The following EDRF1 variants were observed in gnomAD, a reference collection of about 807,000 sequenced individuals.
EDRF1 encodes the protein erythroid differentiation-related factor 1.
A neutral mutation model predicts 148.7 loss-of-function variants in EDRF1; 69 were observed. The observed-to-expected ratio is 0.46, with a 90% confidence interval of 0.38 to 0.57. The LOEUF (loss-of-function observed/expected upper bound fraction) is 0.57. Among genes scored for constraint, EDRF1 ranks in the 20% least tolerant of loss-of-function variants. The probability of loss-of-function intolerance (pLI) is 0.00; values close to 1 mark genes in which losing one functional copy is unlikely to be tolerated. For missense variants in EDRF1, 1,118 were observed against 1,478.7 expected (o/e 0.76, Z 4.00); for synonymous variants, 515 against 532.8 (o/e 0.97, Z 0.46).
At chr10:125,730,862 G>T (rs754240205) in intron 9 of EDRF1, among the ~76,000 whole-genome samples, 14 of 152,226 alleles carry the variant, frequency 9.2e-5, no homozygotes, top group Non-Finnish European at 1.5e-4. Context: ...GTTGGGGGAA[G>T]CTAGGCGTGT....
chr10:125,753,546 A>G (rs1440565055), intron 23 of EDRF1, 148 bp from the exon 24 acceptor site: 2 of 845,342 alleles, frequency 2.4e-6, no homozygotes, highest in South Asian at 1.5e-5. Flanking sequence ...TAGTCTATCA[A>G]AATGATCATA....
intron 22 of EDRF1, chr10:125,751,916 C>T (rs550372587): frequency 1.3e-5 from 2 of 152,368 alleles, no homozygotes; most frequent in Middle Eastern, 6.8e-3. Context: ...GCTAACTCAC[C>T]CCGGCAGTGA....
intron 24 of EDRF1, among the ~76,000 whole-genome samples, 181 bp downstream of exon 24, chr10:125,754,026 G>T (rs1849769830): frequency 6.6e-6 from 1 of 152,034 alleles, no homozygotes; most frequent in South Asian, 2.1e-4. Context: ...GACCAGCCCG[G>T]CCAACATGGT....
At chr10:125,759,896 G>A (rs971470841) in intron 24 of EDRF1, among the ~76,000 whole-genome samples, 18 of 152,102 alleles carry the variant, frequency 1.2e-4, no homozygotes, top group Admixed American at 4.6e-4. Flanking sequence ...ATTTTTAGTA[G>A]AGACGGGGTT....
rs1458143513 is a variant in EDRF1, at chr10:125,730,349, T to C, written c.1078T>C (p.Cys360Arg). The C allele has an allele frequency of 3.7e-6, 6 of 1,613,968 alleles. No homozygotes were observed. The highest frequency in any genetic ancestry group is 5.1e-6 in the Non-Finnish European group (6 of 1,179,948). ...GIDYWLDNLI[C>R]NVPELVMCFH... ...TGACTATTGGTTGGACAACTTGATA[T>C]GCAATGTGCCAGAGCTTGTGATGTG... The change falls in exon 9 of 25, where the codon TGC becomes CGC. Residue 360 changes from cysteine (C) to arginine (R), a missense_variant. Physicochemically the swap from Cys to Arg is radical, Grantham distance 180 (BLOSUM62 -3). Transcript: ENST00000356792.
chr10:125,719,777 C>G lies in EDRF1; in HGVS notation c.-31C>G, dbSNP rs1300597741. 2 of 1,580,714 alleles carry G rather than the reference C, an allele frequency of 1.3e-6. No individual in the cohort carries two copies. Among genetic ancestry groups the G allele is most frequent in the African/African-American group, 2.7e-5 (2 of 74,244 alleles). On this transcript the variant is annotated 5_prime_UTR_variant, in exon 1 of 25. Transcript: ENST00000356792. ...GTTGCTGCTGCTGCTCCTCCGCTCC[C>G]CCGTCGTATCGCCTGCCCTGGATCG...
intron 21 of EDRF1, 182 bp downstream of exon 21, chr10:125,748,194 A>C: frequency 4.2e-6 from 3 of 711,164 alleles, no homozygotes; most frequent in Non-Finnish European, 4.9e-6. Context: ...ATATGTCCGC[A>C]TTGTGCTCCA....
At chr10:125,762,747 C>T (rs1850247582) in intron 24 of EDRF1, among the ~76,000 whole-genome samples, 1 of 152,148 alleles carries the variant, frequency 6.6e-6, no homozygotes, top group African/African-American at 2.4e-5. Context: ...ATGTTTAAAT[C>T]CTAGGTAGTT....
chr10:125,739,015 A>T (rs1179016720), intron 15 of EDRF1, among the ~76,000 whole-genome samples: 1 of 152,208 alleles, frequency 6.6e-6, no homozygotes, highest in Non-Finnish European at 1.5e-5. Flanking sequence ...CATCATGAAG[A>T]ATATATGGAC....
At chr10:125,744,156 T>C (rs1208563928) in intron 18 of EDRF1, among the ~76,000 whole-genome samples, 1 of 151,516 alleles carries the variant, frequency 6.6e-6, no homozygotes, top group Non-Finnish European at 1.5e-5. Context: ...GGGGCTGAGG[T>C]AGAACTGAGG....
intron 18 of EDRF1, among the ~76,000 whole-genome samples, chr10:125,744,552 T>C (rs1236629974): frequency 3.3e-5 from 5 of 152,094 alleles, no homozygotes; most frequent in Non-Finnish European, 7.3e-5. Flanking sequence ...AAAGAGTTCA[T>C]TGCTAGTGGG....
chr10:125,740,085 G>A (rs966565089), intron 15 of EDRF1, among the ~76,000 whole-genome samples: 1 of 152,196 alleles, frequency 6.6e-6, no homozygotes, highest in African/African-American at 2.4e-5. Flanking sequence ...AGCTAAGTGG[G>A]GAGAAGCCGT....
At chr10:125,739,436 ACTTGATT>A (rs1292792243) in intron 15 of EDRF1, among the ~76,000 whole-genome samples, 2 of 152,208 alleles carry the variant, frequency 1.3e-5, no homozygotes, top group African/African-American at 4.8e-5. Flanking sequence ...CATCAGAATT[ACTTGATT>A]CTCTTACCAC....
intron 9 of EDRF1, among the ~76,000 whole-genome samples, chr10:125,733,017 A>G (rs1848546608): frequency 6.6e-6 from 1 of 152,174 alleles, no homozygotes; most frequent in African/African-American, 2.4e-5. Context: ...GGCCAGAAAT[A>G]CATGTGTTTT....
At position 125,743,263 on chromosome 10, in the gene EDRF1, G is replaced by A; in HGVS notation, c.2577G>A (p.Gln859=). ...VFYMNQAAAL[Q]SERLVSKSVS... ...ACATGAATCAGGCTGCTGCATTACA[G>A]AGTGAGAGACTAGGTGAGTATCTCT... Residue 859 remains glutamine, a synonymous_variant, in exon 18 of 25, where the codon CAG becomes CAA. Transcript: ENST00000356792. 6.2e-7 allele frequency: 1 copy of A among 1,613,132 alleles called. No homozygotes were observed. The highest frequency in any genetic ancestry group is 8.5e-7 in the Non-Finnish European group (1 of 1,179,304).
intron 24 of EDRF1, among the ~76,000 whole-genome samples, chr10:125,759,283 C>T (rs917353351): frequency 1.3e-5 from 2 of 152,208 alleles, no homozygotes; most frequent in African/African-American, 4.8e-5. Context: ...CATCTGGCTG[C>T]ATCTGCCCCA....
Position 125,725,954 on chromosome 10 carries a change from G to T in EDRF1, c.792+116G>T. The T allele has an allele frequency of 6.9e-6, 8 of 1,167,250 alleles. No individual in the cohort carries two copies. The South Asian group carries it at 9.8e-5, about 14-fold the overall frequency. The allele number at this position is 1,167,250 out of a possible 1,614,324, so 72.3% of individuals were successfully genotyped here. On this transcript the variant is annotated intron_variant, in intron 6 of 24. Transcript: ENST00000356792. ...CTAAGAAATATTCTGTCAGCTTATG[G>T]AATGGGGGAAAAAAGACTTCTGTCA...
intron 5 of EDRF1, 38 bp from the exon 6 acceptor site, chr10:125,725,644 T>C (rs1469707305): frequency 6.2e-7 from 1 of 1,613,274 alleles, no homozygotes; most frequent in Admixed American, 1.7e-5. Context: ...AAGTTAACTT[T>C]AGTAACAGCA....
chr10:125,742,761 A>C (rs985037910), intron 17 of EDRF1: 1 of 984,846 alleles, frequency 1.0e-6, no homozygotes, highest in Non-Finnish European at 1.2e-6. Context: ...TTAGTGGACA[A>C]CTTTAGGTCC....
Sources: allele counts gnomAD v4.1 joint callset (sites outside exome capture counted in the v4.1 genomes callset), GRCh38; gene constraint gnomAD v4.1.1; transcripts MANE v1.5; gene names NCBI Gene and HGNC (gene_info 2026-07-23, HGNC 2026-07-21).